Variants in RBP3 observed in about 807,000 individuals in gnomAD.
RBP3 encodes the protein retinol binding protein 3.
RBP3 carries 50 observed loss-of-function variants against 64.8 expected under a neutral mutation model. That is an observed-to-expected ratio of 0.77 (90% confidence interval 0.61 to 0.98). The LOEUF is 0.98. RBP3 is among the 50% of genes least tolerant of loss of function. The pLI is 0.00. For synonymous variants in RBP3, 828 were observed against 730.2 expected, an observed-to-expected ratio of 1.13 and a Z score of -2.16; for missense variants, 1,712 against 1,660.5, an observed-to-expected ratio of 1.03 and a Z score of -0.54.
chr10:47,357,341 G>T lies in RBP3; in HGVS notation c.3628G>T (p.Gly1210Trp), dbSNP rs1555212077. 2 of 1,614,040 alleles carry T rather than the reference G, an allele frequency of 1.2e-6. No individual in the cohort carries two copies. Among genetic ancestry groups the T allele is most frequent in the African/African-American group, 1.3e-5 (1 of 74,922 alleles). ...ASDGSSWEGV[G>W]VTPHVVVPAE... ...GGATGGCAGCTCCTGGGAAGGGGTG[G>T]GGGTGACACCCCATGTGGTTGTCCC... Residue 1210 changes from glycine (G) to tryptophan (W), a missense_variant, in exon 4 of 4, where the codon GGG becomes TGG. Gly to Trp is a radical substitution (Grantham distance 184, BLOSUM62 -2). Transcript: ENST00000584701.
In RBP3 at chr10:47,353,440, C is replaced by T; in HGVS notation, c.3170C>T (p.Thr1057Ile). 1.2e-6 allele frequency: 2 copies of T among 1,614,150 alleles called. No homozygotes were observed. The highest frequency in any genetic ancestry group is 1.1e-5 in the South Asian group (1 of 91,086). ...ATGTTTGGGGACGGTGAGCTGCTCA[C>T]CCAGGTCTCCAGGCTGCTGGTGGAG... ...FDMFGDGELL[T>I]QVSRLLVEHI... Residue 1057 changes from threonine to isoleucine, a missense_variant, in exon 2 of 4, where the codon ACC becomes ATC. Thr to Ile is a moderately conservative substitution (Grantham distance 89, BLOSUM62 -1). Coordinates refer to ENST00000584701, the MANE Select transcript of RBP3 (RefSeq NM_002900.3).
rs782678271 is a variant in RBP3, at chr10:47,348,801, C to T, written c.317C>T (p.Thr106Ile). 1.9e-6 allele frequency: 3 copies of T among 1,613,828 alleles called. No homozygotes were observed. The highest frequency in any genetic ancestry group is 4.5e-5 in the East Asian group (2 of 44,878). The change falls in exon 1 of 4, where the codon ACC becomes ATC. Residue 106 changes from threonine to isoleucine, a missense_variant. Physicochemically the swap from Thr to Ile is moderately conservative, Grantham distance 89 (BLOSUM62 -1). Coordinates refer to ENST00000584701, the MANE Select transcript of RBP3 (RefSeq NM_002900.3). ...CCTCCCCCACAAGTCCCAGCACTCA[C>T]CAGCCTCTCAGAAGAGGAACTGCTT... is the stretch of plus-strand genomic sequence containing the variant. The part of the protein sequence containing the change: ...PEPPPQVPAL[T>I]SLSEEELLAW...
Position 47,348,648 on chromosome 10 carries a change from C to A in RBP3, c.164C>A (p.Ala55Asp). 6.2e-7 allele frequency: 1 copy of A among 1,613,518 alleles called. No individual in the cohort carries two copies. Residue 55 changes from alanine to aspartate, a missense_variant, in exon 1 of 4, where the codon GCC becomes GAC. Coordinates refer to ENST00000584701, the MANE Select transcript of RBP3 (RefSeq NM_002900.3). ...GGCATGCAGGAAGCCATCCAGCAGG[C>A]CATCAAGAGCCATGAGATTCTGAGC... is the stretch of plus-strand genomic sequence containing the variant. ...LLGMQEAIQQAIKSHEILSIS... is the reference protein window; with the variant it reads ...LLGMQEAIQQDIKSHEILSIS...
chr10:47,351,407 G>T lies in RBP3; in HGVS notation c.2923G>T (p.Val975Leu), dbSNP rs577173606. Residue 975 changes from valine (V) to leucine (L), a missense_variant, in exon 1 of 4, where the codon GTG becomes TTG. Coordinates refer to ENST00000584701, the MANE Select transcript of RBP3 (RefSeq NM_002900.3). Reference sequence around the variant, plus strand: ...CGGTCTGCAGAGCCGCTACTCCAGGGTGACCTCAGAAGTGGCCCTAGCCGA... The same window carrying T: ...CGGTCTGCAGAGCCGCTACTCCAGGTTGACCTCAGAAGTGGCCCTAGCCGA... ...LSGLQSRYSR[V>L]TSEVALAEIL... The T allele has an allele frequency of 3.1e-6, 5 of 1,613,716 alleles. No individual in the cohort carries two copies. Among genetic ancestry groups the T allele is most frequent in the African/African-American group, 2.7e-5 (2 of 75,070 alleles).
chr10:47,349,120 C>T lies in RBP3; in HGVS notation c.636C>T (p.Thr212=), dbSNP rs1565764229. ...CCAACACCACCACGGAGATCTGGACCTTGCCCCAGGTCCTGGGAGAAAGGT... is the reference window on the plus strand; with the variant it reads ...CCAACACCACCACGGAGATCTGGACTTTGCCCCAGGTCCTGGGAGAAAGGT... ...RPSNTTTEIW[T]LPQVLGERYG... The change falls in exon 1 of 4, where the codon ACC becomes ACT. Residue 212 remains threonine, a synonymous_variant. Coordinates refer to ENST00000584701, the MANE Select transcript of RBP3 (RefSeq NM_002900.3). 4 of 1,614,050 alleles carry T rather than the reference C, an allele frequency of 2.5e-6. No individual in the cohort carries two copies. The highest frequency in any genetic ancestry group is 2.5e-6 in the Non-Finnish European group (3 of 1,180,044).
At position 47,350,188 on chromosome 10, in the gene RBP3, C is replaced by A; in HGVS notation, c.1704C>A (p.Ile568=). The change falls in exon 1 of 4, where the codon ATC becomes ATA. Residue 568 remains isoleucine (I), a synonymous_variant. Coordinates refer to ENST00000584701, the MANE Select transcript of RBP3 (RefSeq NM_002900.3). ...GCTGGGCCACACTGGTAGGTGAGAT[C>A]ACCGCGGGCAACCTGCTGCACACCC... is the stretch of plus-strand genomic sequence containing the variant. ...SLGWATLVGE[I]TAGNLLHTRT... 6.2e-7 allele frequency: 1 copy of A among 1,611,304 alleles called. No individual in the cohort carries two copies.
Position 47,350,594 on chromosome 10 carries a change from A to G in RBP3, c.2110A>G (p.Ser704Gly). The G allele has an allele frequency of 6.2e-7, 1 of 1,612,972 alleles. No homozygotes were observed. Among genetic ancestry groups the G allele is most frequent in the Non-Finnish European group, 8.5e-7 (1 of 1,180,016 alleles). Residue 704 changes from serine to glycine, a missense_variant, in exon 1 of 4, where the codon AGC (serine) becomes GGC (glycine). Ser to Gly is a moderately conservative substitution (Grantham distance 56, BLOSUM62 0). Transcript: ENST00000584701. ...GGACCACCGCTTGCTAGTGTTCCAC[A>G]GCCCTGGCGAGCTGGTGGTAGAGGA... ...SGDHRLLVFH[S>G]PGELVVEEAP...
rs782195686 is a variant in RBP3, at chr10:47,349,883, C to T, written c.1399C>T (p.Pro467Ser). The T allele has an allele frequency of 4.0e-5, 65 of 1,613,062 alleles. No homozygotes were observed. In the South Asian group the frequency reaches 5.7e-4, roughly 14 times the overall value. The change falls in exon 1 of 4, where the codon CCG becomes TCG. Residue 467 changes from proline (P) to serine (S), a missense_variant. Coordinates refer to ENST00000584701, the MANE Select transcript of RBP3 (RefSeq NM_002900.3). The stretch of plus-strand genomic sequence containing the variant: ...ATATGTCCTGCGCCAGGTGTGGGAG[C>T]CGCTACAGGACACGGAGCACCTCAT... ...APYVLRQVWE[P>S]LQDTEHLIMD...
In RBP3 at chr10:47,350,498, G is replaced by A. The variant is rs1158993702; in HGVS notation, c.2014G>A (p.Ala672Thr). ...CCTGCGGGCCAAGCTGGCCCAGGGC[G>A]CCTACCGCACAGCTGTGGACTTGGA... ...ALLRAKLAQGAYRTAVDLESL... is the reference protein window; with the variant it reads ...ALLRAKLAQGTYRTAVDLESL... The change falls in exon 1 of 4, where the codon GCC (alanine) becomes ACC (threonine). Residue 672 changes from alanine to threonine, a missense_variant. By Grantham distance (58) the Ala-to-Thr change is moderately conservative. Transcript: ENST00000584701. The A allele has an allele frequency of 6.2e-6, 10 of 1,612,606 alleles. No individual in the cohort carries two copies. The highest frequency in any genetic ancestry group is 1.7e-4 in the Middle Eastern group (1 of 6,046).
In RBP3 at chr10:47,351,038, G is replaced by A; in HGVS notation, c.2554G>A (p.Ala852Thr). ...ILMSHTSGSA[A>T]EAFAHTMQDL... is the part of the protein sequence containing the mutation. Reference sequence around the variant, plus strand: ...GATGAGCCACACCAGTGGCTCTGCGGCCGAGGCCTTTGCACACACCATGCA... The same window carrying A: ...GATGAGCCACACCAGTGGCTCTGCGACCGAGGCCTTTGCACACACCATGCA... Residue 852 changes from alanine (A) to threonine (T), a missense_variant, in exon 1 of 4, where the codon GCC (alanine) becomes ACC (threonine). Coordinates refer to ENST00000584701, the MANE Select transcript of RBP3 (RefSeq NM_002900.3). 3 of 1,610,764 alleles carry A rather than the reference G, an allele frequency of 1.9e-6. No individual in the cohort carries two copies. The highest frequency in any genetic ancestry group is 2.2e-5 in the South Asian group (2 of 91,024).
In RBP3 at chr10:47,350,035, G is replaced by A. The variant is rs368825748; in HGVS notation, c.1551G>A (p.Thr517=). The change falls in exon 1 of 4, where the codon ACG becomes ACA. Residue 517 remains threonine, a synonymous_variant. Transcript: ENST00000584701. ...FTTYDRRTNI[T]QEHFSHMELP... is the part of the protein sequence containing the mutation. ...CCTATGATCGCCGCACCAACATCAC[G>A]CAGGAGCACTTCAGCCACATGGAGC... 3.3e-5 allele frequency: 54 copies of A among 1,612,794 alleles called. 1 individual carries two copies. Among genetic ancestry groups the A allele is most frequent in the South Asian group, 9.9e-5 (9 of 91,032 alleles).
chr10:47,349,617 C>T lies in RBP3; in HGVS notation c.1133C>T (p.Ala378Val). Residue 378 changes from alanine to valine, a missense_variant, in exon 1 of 4, where the codon GCT (alanine) becomes GTT (valine). Transcript: ENST00000584701. The stretch of plus-strand genomic sequence containing the variant: ...ACCAAGCTCAATGCCGGCCTGCAGG[C>T]TGCGTCTGAGGATCCCAGGCTCCTG... Reference protein sequence around the residue: ...LVTKLNAGLQAASEDPRLLVR... With the variant: ...LVTKLNAGLQVASEDPRLLVR... 2 of 1,612,756 alleles carry T rather than the reference C, an allele frequency of 1.2e-6. No homozygotes were observed. The highest frequency in any genetic ancestry group is 2.2e-5 in the South Asian group (2 of 91,084).
chr10:47,355,545 G>A, intron 3 of RBP3, 27 bp downstream of exon 3: 4 of 1,613,996 alleles, frequency 2.5e-6, no homozygotes, highest in Non-Finnish European at 3.4e-6. Context: ...TCTCCTTTCT[G>A]CTGTCATTCT....
chr10:47,355,469 C>T lies in RBP3; in HGVS notation c.3339C>T (p.Ser1113=). ...CAGTTCTGCTGGACAAGATCTACAG[C>T]CGGCCTGATGACTCTGTCAGTGAAC... ...GPPVLLDKIY[S]RPDDSVSELW... is the part of the protein sequence containing the mutation. Residue 1113 remains serine, a synonymous_variant, in exon 3 of 4, where the codon AGC becomes AGT. Coordinates refer to ENST00000584701, the MANE Select transcript of RBP3 (RefSeq NM_002900.3). 6.2e-7 allele frequency: 1 copy of T among 1,614,220 alleles called. No homozygotes were observed. Among genetic ancestry groups the T allele is most frequent in the Non-Finnish European group, 8.5e-7 (1 of 1,180,038 alleles).
At chr10:47,356,981 C>T in intron 3 of RBP3, 121 bp from the exon 4 acceptor site, 1 of 842,380 alleles carries the variant, frequency 1.2e-6, no homozygotes, top group Non-Finnish European at 1.9e-6. Flanking sequence ...CAAGTGGACA[C>T]AAGGACACAG....
chr10:47,350,287 T>C lies in RBP3; in HGVS notation c.1803T>C (p.Asn601=), dbSNP rs1249909248. 2 of 1,608,902 alleles carry C rather than the reference T, an allele frequency of 1.2e-6. No homozygotes were observed. The highest frequency in any genetic ancestry group is 1.7e-6 in the Non-Finnish European group (2 of 1,179,898). Residue 601 remains asparagine, a synonymous_variant, in exon 1 of 4, where the codon AAT becomes AAC. Coordinates refer to ENST00000584701, the MANE Select transcript of RBP3 (RefSeq NM_002900.3). The part of the protein sequence containing the change: ...LTVPVLTFID[N]HGEAWLGGGV... ...TGCCGGTCCTCACCTTCATCGACAATCACGGCGAGGCCTGGCTGGGTGGTG... is the reference window on the plus strand; with the variant it reads ...TGCCGGTCCTCACCTTCATCGACAACCACGGCGAGGCCTGGCTGGGTGGTG...
rs782389160 is a variant in RBP3 at position 47,349,436 on chromosome 10, G to A, written c.952G>A (p.Ala318Thr). Residue 318 changes from alanine to threonine, a missense_variant, in exon 1 of 4, where the codon GCC (alanine) becomes ACC (threonine). Ala to Thr is a moderately conservative substitution (Grantham distance 58). Transcript: ENST00000584701. ...CGAGCAGGCCCTGGAGAAAGCCCTGGCCATCCTCACTCTGCGCAGCGCCCT... is the reference window on the plus strand; with the variant it reads ...CGAGCAGGCCCTGGAGAAAGCCCTGACCATCCTCACTCTGCGCAGCGCCCT... ...PAEQALEKAL[A>T]ILTLRSALPG... 40 of 1,612,230 alleles carry A rather than the reference G, an allele frequency of 2.5e-5. No homozygotes were observed. Among genetic ancestry groups the A allele is most frequent in the Non-Finnish European group, 3.2e-5 (38 of 1,180,020 alleles).
intron 2 of RBP3, among the ~76,000 whole-genome samples, chr10:47,355,012 C>A (rs183631345): frequency 6.6e-6 from 1 of 152,286 alleles, no homozygotes; most frequent in Admixed American, 6.5e-5. Flanking sequence ...AAAATGTGTT[C>A]CACTCATAGG....
In RBP3 at chr10:47,351,169, C is replaced by G; in HGVS notation, c.2685C>G (p.Thr895=). ...GCCCCTTATATGCATCCATGCCCAC[C>G]CAGATGGCCATGAGTGCCACCACAG... The part of the protein sequence containing the change: ...GSSPLYASMP[T]QMAMSATTGK... The change falls in exon 1 of 4, where the codon ACC becomes ACG. Residue 895 remains threonine (T), a synonymous_variant. Transcript: ENST00000584701. 1 of 1,613,118 alleles carries G rather than the reference C, an allele frequency of 6.2e-7. No individual in the cohort carries two copies. The highest frequency in any genetic ancestry group is 8.5e-7 in the Non-Finnish European group (1 of 1,180,028).
Sources: gnomAD v4.1 joint callset for allele counts (sites outside exome capture counted in the v4.1 genomes callset) on GRCh38, gnomAD v4.1.1 for gene constraint, MANE v1.5 for transcripts, NCBI Gene and HGNC (gene_info 2026-07-23, HGNC 2026-07-21) for gene names.